Variants in NCALD observed in about 807,000 individuals in gnomAD.
NCALD encodes neurocalcin-delta.
In NCALD, 10 loss-of-function variants were observed where a neutral mutation model predicts 18.6. That is an observed-to-expected ratio of 0.54 (90% CI 0.33 to 0.91). The LOEUF (loss-of-function observed/expected upper bound fraction) is 0.91, where lower values mean the gene tolerates loss of function less well. Ranked by LOEUF, NCALD falls within the 40% of genes least tolerant of loss-of-function variation. The pLI is 0.03. For synonymous variants in NCALD, 88 were observed against 87.4 expected (o/e 1.01, Z -0.04); for missense variants, 184 against 247.6 (o/e 0.74, Z 1.72).
At chr8:101,692,146 A>C in intron 3 of NCALD, 1 of 985,248 alleles carries the variant, frequency 1.0e-6, no homozygotes, top group Non-Finnish European at 1.2e-6. Context: ...TCTATCTGGC[A>C]ATTTAAGATC....
intron 4 of NCALD, chr8:101,887,060 A>G (rs1793343771): frequency 6.6e-6 from 1 of 152,116 alleles, no homozygotes; most frequent in South Asian, 2.1e-4. Flanking sequence ...ACACACACAA[A>G]CCTACCTAGG....
chr8:101,942,878 C>T (rs183107433), intron 2 of NCALD, among the ~76,000 whole-genome samples: 3 of 152,250 alleles, frequency 2.0e-5, no homozygotes, highest in South Asian at 2.1e-4. Context: ...CAGCTTCATC[C>T]AATTACCATC....
At chr8:101,814,956 T>C (rs1674574634) in intron 4 of NCALD, among the ~76,000 whole-genome samples, 1 of 152,082 alleles carries the variant, frequency 6.6e-6, no homozygotes, top group African/African-American at 2.4e-5. Flanking sequence ...AAAACTTTGA[T>C]GAACAAAATC....
chr8:101,748,338 A>C (rs1437980250), intron 1 of NCALD, among the ~76,000 whole-genome samples: 1 of 152,258 alleles, frequency 6.6e-6, no homozygotes, highest in Non-Finnish European at 1.5e-5. Flanking sequence ...AGCAAATTGT[A>C]GGATCATAAA....
At chr8:102,060,416 G>A (rs1162940104) in intron 1 of NCALD, among the ~76,000 whole-genome samples, 2 of 152,226 alleles carry the variant, frequency 1.3e-5, no homozygotes, top group East Asian at 3.8e-4. Context: ...TGGACAGCCA[G>A]TCTGAGACCT....
At chr8:101,872,283 A>C in intron 4 of NCALD, 1 of 1,380,478 alleles carries the variant, frequency 7.2e-7, no homozygotes, top group Non-Finnish European at 1.0e-6. Flanking sequence ...CTCCAAATTT[A>C]TTCTTCAGTT....
At chr8:101,703,643 T>G (rs1815376834) in intron 2 of NCALD, among the ~76,000 whole-genome samples, 1 of 152,218 alleles carries the variant, frequency 6.6e-6, no homozygotes, top group African/African-American at 2.4e-5. Context: ...CCCAGCTTAA[T>G]GCCTTGAGAG....
chr8:102,042,552 T>C (rs1734187977), intron 1 of NCALD, among the ~76,000 whole-genome samples: 1 of 151,894 alleles, frequency 6.6e-6, no homozygotes, highest in Non-Finnish European at 1.5e-5. Context: ...TGCCTGGATG[T>C]GTCCCACAGA....
At chr8:101,695,061 A>AC (rs1814927839) in intron 2 of NCALD, among the ~76,000 whole-genome samples, 1 of 152,142 alleles carries the variant, frequency 6.6e-6, no homozygotes, top group Non-Finnish European at 1.5e-5. Context: ...AAACATGCAC[A>AC]CCCCTCACAT....
At chr8:101,831,950 A>C (rs1296989148) in intron 4 of NCALD, among the ~76,000 whole-genome samples, 1 of 152,194 alleles carries the variant, frequency 6.6e-6, no homozygotes, top group Non-Finnish European at 1.5e-5. Flanking sequence ...CTCTTTTCTT[A>C]GTAACAATGA....
At chr8:102,096,270 G>C (rs1825095533) in intron 1 of NCALD, among the ~76,000 whole-genome samples, 1 of 152,304 alleles carries the variant, frequency 6.6e-6, no homozygotes, top group South Asian at 2.1e-4. Context: ...TCTCTTGACT[G>C]TAGGTGGCCT....
intron 1 of NCALD, among the ~76,000 whole-genome samples, chr8:101,759,023 A>G (rs1007452012): frequency 2.6e-5 from 4 of 152,172 alleles, no homozygotes; most frequent in East Asian, 1.9e-4. Context: ...TCATACATCA[A>G]TATTTTTAAC....
chr8:102,001,109 A>G (rs1308165230), intron 2 of NCALD, among the ~76,000 whole-genome samples: 1 of 152,220 alleles, frequency 6.6e-6, no homozygotes, highest in Non-Finnish European at 1.5e-5. Flanking sequence ...ACCCATGGCA[A>G]AGAAGTTAAA....
rs527515130 is a variant in NCALD, at chr8:101,959,881, C to G, written c.-156-44023G>C. Among the ~76,000 whole-genome samples the G allele has an allele frequency of 7.9e-5, 11 of 138,662 alleles. No homozygotes were observed. In the East Asian group the frequency reaches 2.2e-3, roughly 28 times the overall value. 91.0% of individuals were successfully genotyped at this position (138,662 alleles called of 152,430 possible). A position where few individuals can be genotyped will look rare whatever the true frequency, so the allele number is the denominator to read the frequency against. Reference sequence around the variant, plus strand: ...CACCCACCCTCCCTACTGCAGACACCTTTTCACCCCCTCAGGCTTCAATAC... The same window carrying G: ...CACCCACCCTCCCTACTGCAGACACGTTTTCACCCCCTCAGGCTTCAATAC... On this transcript the variant is annotated intron_variant, in intron 2 of 6. Coordinates refer to the NCALD transcript ENST00000311028.
chr8:101,892,494 C>T (rs372370867), intron 3 of NCALD, among the ~76,000 whole-genome samples: 5 of 149,386 alleles, frequency 3.3e-5, no homozygotes, highest in African/African-American at 7.7e-5. Context: ...TCACCAGCAA[C>T]GGAACAAAGC....
intron 2 of NCALD, among the ~76,000 whole-genome samples, chr8:101,993,326 C>T (rs756263254): frequency 7.9e-5 from 12 of 152,070 alleles, no homozygotes; most frequent in African/African-American, 1.2e-4. Context: ...GTGCCCACAG[C>T]GCCTAACAAG....
chr8:101,783,462 A>C (rs576192402), intron 1 of NCALD, among the ~76,000 whole-genome samples: 1 of 152,346 alleles, frequency 6.6e-6, no homozygotes, highest in East Asian at 1.9e-4. Context: ...TACCTGGCTA[A>C]GGAGAATACC....
chr8:102,026,437 C>T (rs540113124), intron 1 of NCALD, among the ~76,000 whole-genome samples: 50 of 152,336 alleles, frequency 3.3e-4, no homozygotes, highest in African/African-American at 1.2e-3. Context: ...TTACAGGCCC[C>T]ATGCAAGTCT....
chr8:102,021,591 G>A (rs142057078), intron 1 of NCALD, among the ~76,000 whole-genome samples: 38 of 152,292 alleles, frequency 2.5e-4, no homozygotes, highest in Non-Finnish European at 4.0e-4. Flanking sequence ...GTGGGTGGGG[G>A]TCAATCAGCC....
Sources: allele counts gnomAD v4.1 joint callset (sites outside exome capture counted in the v4.1 genomes callset), GRCh38; gene constraint gnomAD v4.1.1; transcripts MANE v1.5; gene names NCBI Gene and HGNC (gene_info 2026-07-23, HGNC 2026-07-21).